The following DLGAP2 variants were observed in gnomAD, a reference collection of about 807,000 sequenced individuals.
The protein encoded by DLGAP2 is DLG associated protein 2.
In DLGAP2, 26 loss-of-function variants were observed where a neutral mutation model predicts 100.3. That is an observed-to-expected ratio of 0.26 (90% CI 0.19 to 0.36). The LOEUF (loss-of-function observed/expected upper bound fraction) is 0.36, where lower values mean the gene tolerates loss of function less well. DLGAP2 is among the 10% of genes least tolerant of loss of function. The pLI is 1.00. For synonymous variants in DLGAP2, 886 were observed against 630.1 expected (o/e 1.41, Z -6.08); for missense variants, 1,858 against 1,453.2 (o/e 1.28, Z -4.53).
chr8:971,730 G>C (rs1800019776), intron 2 of DLGAP2, among the ~76,000 whole-genome samples: 1 of 152,178 alleles, frequency 6.6e-6, no homozygotes, highest in Admixed American at 6.5e-5. Context: ...ATTGTATTCT[G>C]AGCAAGGCCT....
intron 2 of DLGAP2, among the ~76,000 whole-genome samples, chr8:948,459 T>C (rs563273677): frequency 5.9e-4 from 90 of 152,280 alleles, no homozygotes; most frequent in Non-Finnish European, 1.1e-3. Flanking sequence ...AGGCCCGGCC[T>C]CCATCTCTCC....
At chr8:1,145,056 G>T (rs1181064720) in intron 2 of DLGAP2, among the ~76,000 whole-genome samples, 1 of 152,246 alleles carries the variant, frequency 6.6e-6, no homozygotes, top group African/African-American at 2.4e-5. Context: ...TCACCTAGAT[G>T]CAACTTCTCT....
chr8:761,159 TG>T (rs1821073089), intron 1 of DLGAP2, among the ~76,000 whole-genome samples: 2 of 152,172 alleles, frequency 1.3e-5, no homozygotes, highest in Non-Finnish European at 2.9e-5. Flanking sequence ...AATCCTGGCT[TG>T]GGGGGCCAGG....
chr8:830,768 T>A (rs977291406), intron 1 of DLGAP2, among the ~76,000 whole-genome samples: 3 of 152,224 alleles, frequency 2.0e-5, no homozygotes, highest in African/African-American at 7.2e-5. Context: ...ATTCAAGTAT[T>A]TTTGTTTCTC....
chr8:1,023,906 G>GTGTGTGTGTGTA (rs1801702687), intron 2 of DLGAP2, among the ~76,000 whole-genome samples: 2 of 61,328 alleles, frequency 3.3e-5, no homozygotes, highest in Non-Finnish European at 8.2e-5. Flanking sequence ...TGTGTAGTTT[G>GTGTGTGTGTGTA]CTTCCGATGC....
At chr8:1,688,421 T>C (rs145521362) in intron 12 of DLGAP2, 14 of 152,368 alleles carry the variant, frequency 9.2e-5, no homozygotes, top group African/African-American at 3.1e-4. Context: ...TTAAAAGTTA[T>C]GCTTTTTTCA....
chr8:1,139,349 T>G (rs569989527), intron 2 of DLGAP2, among the ~76,000 whole-genome samples: 71 of 152,352 alleles, frequency 4.7e-4, no homozygotes, highest in Admixed American at 1.6e-3. Context: ...CTGGGCAGCC[T>G]TGTCAGCAGA....
chr8:1,518,489 A>G (rs996277636), intron 4 of DLGAP2, among the ~76,000 whole-genome samples: 1 of 152,190 alleles, frequency 6.6e-6, no homozygotes, highest in Non-Finnish European at 1.5e-5. Context: ...TGACATTTAT[A>G]TAACGTTTGA....
chr8:1,544,977 C>A (rs980946848), intron 4 of DLGAP2, among the ~76,000 whole-genome samples: 4 of 152,142 alleles, frequency 2.6e-5, no homozygotes, highest in Non-Finnish European at 4.4e-5. Flanking sequence ...GTGATTCACC[C>A]ATCTCAGCCG....
intron 4 of DLGAP2, among the ~76,000 whole-genome samples, chr8:1,517,469 G>C (rs192231822): frequency 2.2e-4 from 33 of 152,228 alleles, no homozygotes; most frequent in African/African-American, 6.5e-4. Flanking sequence ...GCTCCACTGA[G>C]AGCCTCCCAC....
intron 2 of DLGAP2, among the ~76,000 whole-genome samples, chr8:1,188,462 T>G (rs189553823): frequency 2.3e-5 from 3 of 128,746 alleles, no homozygotes; most frequent in African/African-American, 7.9e-5. Context: ...TCACGGAATC[T>G]CGCACGCCCG....
intron 2 of DLGAP2, among the ~76,000 whole-genome samples, chr8:1,191,179 T>A (rs977164397): frequency 5.3e-5 from 8 of 151,810 alleles, no homozygotes; most frequent in African/African-American, 1.9e-4. Flanking sequence ...ATACATTTTT[T>A]TTTTTTTTTT....
At chr8:1,680,578 G>A (rs535412730) in intron 12 of DLGAP2, 1 of 152,348 alleles carries the variant, frequency 6.6e-6, no homozygotes, top group Admixed American at 6.5e-5. Flanking sequence ...ATGTTGGGGA[G>A]ATGCTGCCTT....
intron 2 of DLGAP2, among the ~76,000 whole-genome samples, chr8:1,220,996 A>C (rs1798304778): frequency 6.6e-6 from 1 of 152,146 alleles, no homozygotes; most frequent in African/African-American, 2.4e-5. Context: ...GGGTGTCTTC[A>C]CATGTGAGAT....
In DLGAP2 at chr8:1,523,485, G is replaced by A. The variant is rs550160813; in HGVS notation, c.172+22054G>A. Among the ~76,000 whole-genome samples, 30 of 152,340 alleles carry A rather than the reference G, an allele frequency of 2.0e-4. No homozygotes were observed. The South Asian group carries it at 2.9e-3, about 15-fold the overall frequency. The stretch of plus-strand genomic sequence containing the variant: ...CCAAGGCGGGCCAGATCTCAGGGCC[G>A]GATGGGGCTGTGGAGCTGTGCCTTA... On this transcript the variant is annotated intron_variant, in intron 4 of 14. Transcript: ENST00000637795.
chr8:1,664,051 A>C (rs149386902), intron 8 of DLGAP2, among the ~76,000 whole-genome samples: 1 of 152,260 alleles, frequency 6.6e-6, no homozygotes, highest in Non-Finnish European at 1.5e-5. Context: ...GTTGATGACA[A>C]CTGATCCACT....
At chr8:849,032 G>A (rs997911016) in intron 1 of DLGAP2, among the ~76,000 whole-genome samples, 6 of 152,042 alleles carry the variant, frequency 3.9e-5, no homozygotes, top group South Asian at 2.1e-4. Context: ...AGGAATGTGC[G>A]GTGCCTGTTC....
intron 2 of DLGAP2, among the ~76,000 whole-genome samples, chr8:1,124,816 T>A (rs1400628372): frequency 6.6e-6 from 1 of 152,164 alleles, no homozygotes. Flanking sequence ...TTTTAGTGGG[T>A]AGAAGCCAGT....
chr8:765,922 A>C (rs1821202616), intron 1 of DLGAP2, among the ~76,000 whole-genome samples: 1 of 152,154 alleles, frequency 6.6e-6, no homozygotes, highest in Non-Finnish European at 1.5e-5. Context: ...TAATCCCAGT[A>C]CTTTGGGAGG....
Sources: allele counts gnomAD v4.1 joint callset (sites outside exome capture counted in the v4.1 genomes callset), GRCh38; gene constraint gnomAD v4.1.1; transcripts MANE v1.5; gene names NCBI Gene and HGNC (gene_info 2026-07-23, HGNC 2026-07-21).